Variants in SLC25A21 observed in about 807,000 individuals in gnomAD.
SLC25A21 encodes the protein mitochondrial 2-oxodicarboxylate carrier.
Under a neutral mutation model 43.8 loss-of-function variants are expected in SLC25A21, and 47 were observed. That is an observed-to-expected ratio of 1.07 (90% confidence interval 0.85 to 1.37). SLC25A21 has a LOEUF of 1.37. Ranked by LOEUF, SLC25A21 falls within the 40% of genes most tolerant of loss-of-function variation. SLC25A21 has a pLI of 0.00. For missense variants in SLC25A21, 352 were observed against 350.2 expected, an observed-to-expected ratio of 1.00 and a Z score of -0.04; for synonymous variants, 131 against 121.3, an observed-to-expected ratio of 1.08 and a Z score of -0.52.
intron 1 of SLC25A21, among the ~76,000 whole-genome samples, chr14:36,936,150 T>G (rs1411470322): frequency 6.6e-6 from 1 of 152,146 alleles, no homozygotes; most frequent in Non-Finnish European, 1.5e-5. Flanking sequence ...TAAAGAAACT[T>G]GCATCTGCAT....
At chr14:36,936,272 T>A (rs1321002158) in intron 1 of SLC25A21, among the ~76,000 whole-genome samples, 2 of 152,180 alleles carry the variant, frequency 1.3e-5, no homozygotes, top group African/African-American at 4.8e-5. Context: ...CTTGACTGGA[T>A]GAGCTATTAT....
chr14:36,996,843 G>T (rs947779743), intron 1 of SLC25A21, among the ~76,000 whole-genome samples: 1 of 152,114 alleles, frequency 6.6e-6, no homozygotes, highest in Non-Finnish European at 1.5e-5. Flanking sequence ...TATGTACAGA[G>T]TAAATGAGAT....
At chr14:37,091,922 G>A (rs747402459) in intron 1 of SLC25A21, among the ~76,000 whole-genome samples, 3 of 152,108 alleles carry the variant, frequency 2.0e-5, no homozygotes, top group Admixed American at 6.5e-5. Context: ...GTGGTCAGGA[G>A]TTTGAGATCA....
At chr14:36,690,166 A>T (rs35766278) in intron 7 of SLC25A21, among the ~76,000 whole-genome samples, 1 of 152,224 alleles carries the variant, frequency 6.6e-6, no homozygotes, top group African/African-American at 2.4e-5. Context: ...TCTGCTGATA[A>T]CCATAATAAT....
intron 1 of SLC25A21, among the ~76,000 whole-genome samples, chr14:36,971,438 C>A (rs746383567): frequency 1.3e-5 from 2 of 151,996 alleles, no homozygotes; most frequent in Non-Finnish European, 2.9e-5. Context: ...TGGCGCTGGC[C>A]AAGTAGAAAG....
At chr14:36,903,028 T>C (rs1891436724) in intron 1 of SLC25A21, among the ~76,000 whole-genome samples, 1 of 152,186 alleles carries the variant, frequency 6.6e-6, no homozygotes, top group Non-Finnish European at 1.5e-5. Context: ...TTCAGTTTTC[T>C]TCTTTGTAAA....
chr14:37,001,075 AT>A (rs1017513590), intron 1 of SLC25A21, among the ~76,000 whole-genome samples: 19 of 152,084 alleles, frequency 1.2e-4, no homozygotes, highest in African/African-American at 4.6e-4. Flanking sequence ...ATCTTGCTAT[AT>A]TTTTTCATAG....
chr14:37,044,694 A>G (rs1287023953), intron 1 of SLC25A21, among the ~76,000 whole-genome samples: 1 of 152,202 alleles, frequency 6.6e-6, no homozygotes, highest in African/African-American at 2.4e-5. Flanking sequence ...GGAACACTAA[A>G]AACTAAGAAA....
chr14:36,704,462 G>C (rs1361339945), intron 7 of SLC25A21, among the ~76,000 whole-genome samples: 1 of 152,070 alleles, frequency 6.6e-6, no homozygotes, highest in African/African-American at 2.4e-5. Context: ...TTCGAGACCA[G>C]CCTGACCAAC....
intron 1 of SLC25A21, among the ~76,000 whole-genome samples, chr14:36,986,062 T>G (rs1960138685): frequency 6.6e-6 from 1 of 152,156 alleles, no homozygotes; most frequent in Admixed American, 6.6e-5. Flanking sequence ...TCTAGCTCCT[T>G]TTAGTGAAAA....
At chr14:36,796,379 C>T (rs545775120) in intron 3 of SLC25A21, among the ~76,000 whole-genome samples, 68 of 147,148 alleles carry the variant, frequency 4.6e-4, no homozygotes, top group African/African-American at 1.4e-3. Flanking sequence ...ATTTATTTCT[C>T]TCTTTCTCTT....
chr14:37,053,024 T>C (rs1209759885), intron 1 of SLC25A21, among the ~76,000 whole-genome samples: 1 of 152,228 alleles, frequency 6.6e-6, no homozygotes, highest in East Asian at 1.9e-4. Context: ...TATTGAAGCA[T>C]AATCACATAG....
At chr14:37,128,106 T>C (rs753499747) in intron 1 of SLC25A21, among the ~76,000 whole-genome samples, 1 of 152,234 alleles carries the variant, frequency 6.6e-6, no homozygotes, top group Non-Finnish European at 1.5e-5. Flanking sequence ...CAGAAATGCC[T>C]GTTCATCTCC....
intron 2 of SLC25A21, among the ~76,000 whole-genome samples, chr14:36,846,951 T>C (rs1401619328): frequency 2.0e-5 from 3 of 152,132 alleles, no homozygotes; most frequent in Admixed American, 6.6e-5. Context: ...TCTCCTAAGT[T>C]TGTGGAAGAC....
intron 1 of SLC25A21, among the ~76,000 whole-genome samples, chr14:37,068,090 AC>A (rs772180268): frequency 6.6e-6 from 1 of 152,144 alleles, no homozygotes; most frequent in Non-Finnish European, 1.5e-5. Flanking sequence ...ACGTTTGCCA[AC>A]CCCCGGACTT....
chr14:36,887,211 C>CATATATATATAT (rs3985278), intron 1 of SLC25A21, among the ~76,000 whole-genome samples: 55 of 148,718 alleles, frequency 3.7e-4, no homozygotes, highest in African/African-American at 1.3e-3. Flanking sequence ...TGTGTGTCTA[C>CATATATATATAT]ATATATATAT....
At chr14:36,681,136 A>G (rs74044471) in intron 9 of SLC25A21, among the ~76,000 whole-genome samples, 3,454 of 152,272 alleles carry the variant, frequency 0.023, 119 homozygotes, top group African/African-American at 0.078. Flanking sequence ...TGCATTCAAG[A>G]AGAAAATCTC....
intron 1 of SLC25A21, among the ~76,000 whole-genome samples, chr14:37,150,985 G>A (rs1391741605): frequency 6.6e-6 from 1 of 151,514 alleles, no homozygotes; most frequent in African/African-American, 2.4e-5. Flanking sequence ...ATAAATATTG[G>A]TAACTTTTCA....
At chr14:37,152,354 C>T (rs1442239632) in intron 1 of SLC25A21, among the ~76,000 whole-genome samples, 1 of 151,276 alleles carries the variant, frequency 6.6e-6, no homozygotes, top group African/African-American at 2.4e-5. Context: ...AAACCATTAG[C>T]GTCCACTGAC....
Sources: allele counts gnomAD v4.1 joint callset (sites outside exome capture counted in the v4.1 genomes callset), GRCh38; gene constraint gnomAD v4.1.1; transcripts MANE v1.5; gene names NCBI Gene and HGNC (gene_info 2026-07-23, HGNC 2026-07-21).